The following ATRNL1 variants were observed in gnomAD, a reference collection of about 807,000 sequenced individuals.
ATRNL1 encodes attractin like 1.
A neutral mutation model predicts 182.7 loss-of-function variants in ATRNL1; 95 were observed. The observed-to-expected ratio is 0.52, with a 90% CI of 0.44 to 0.62. The LOEUF (loss-of-function observed/expected upper bound fraction) is 0.62. Ranked by LOEUF, ATRNL1 falls within the 20% of genes least tolerant of loss-of-function variation. ATRNL1 has a pLI of 0.00. For synonymous variants in ATRNL1, 576 were observed against 568.3 expected, an observed-to-expected ratio of 1.01 and a Z score of -0.19; for missense variants, 1,471 against 1,679.5, an observed-to-expected ratio of 0.88 and a Z score of 2.17.
At chr10:115,362,080 C>G (rs1856776589) in intron 19 of ATRNL1, among the ~76,000 whole-genome samples, 1 of 151,852 alleles carries the variant, frequency 6.6e-6, no homozygotes, top group African/African-American at 2.4e-5. Flanking sequence ...CAAGAGCTAT[C>G]ATGTATCCAA....
intron 26 of ATRNL1, among the ~76,000 whole-genome samples, chr10:115,642,334 C>T (rs541241728): frequency 6.6e-6 from 1 of 152,046 alleles, no homozygotes; most frequent in South Asian, 2.1e-4. Flanking sequence ...CAAAGAATAC[C>T]GAACTAATGA....
intron 21 of ATRNL1, among the ~76,000 whole-genome samples, chr10:115,439,371 A>G: frequency 6.6e-6 from 1 of 152,060 alleles, no homozygotes; most frequent in South Asian, 2.1e-4. Flanking sequence ...GTTGAAGATC[A>G]AGGATTAAAA....
chr10:115,860,777 C>A (rs1278556185), intron 28 of ATRNL1, among the ~76,000 whole-genome samples: 3 of 152,174 alleles, frequency 2.0e-5, no homozygotes, highest in Non-Finnish European at 2.9e-5. Context: ...GTCTTCACTG[C>A]AATTTGATTC....
At chr10:115,345,517 A>T (rs148324920) in intron 19 of ATRNL1, among the ~76,000 whole-genome samples, 39 of 152,272 alleles carry the variant, frequency 2.6e-4, no homozygotes, top group African/African-American at 8.7e-4. Context: ...ATTTTTAAGA[A>T]ATCACTTCAG....
intron 27 of ATRNL1, among the ~76,000 whole-genome samples, chr10:115,782,846 G>C (rs1287711607): frequency 6.6e-6 from 1 of 152,088 alleles, no homozygotes; most frequent in East Asian, 1.9e-4. Flanking sequence ...TACTCTTGGG[G>C]CAAATTGTTT....
At chr10:115,556,512 T>C (rs1853322920) in intron 26 of ATRNL1, among the ~76,000 whole-genome samples, 1 of 152,182 alleles carries the variant, frequency 6.6e-6, no homozygotes, top group South Asian at 2.1e-4. Flanking sequence ...ACAACTGTCA[T>C]CTGGCCAGCA....
At chr10:115,586,785 C>G (rs1298204714) in intron 26 of ATRNL1, among the ~76,000 whole-genome samples, 1 of 116,654 alleles carries the variant, frequency 8.6e-6, no homozygotes, top group African/African-American at 2.7e-5. Flanking sequence ...AGCTTTGTTC[C>G]ATTGCTGGTG....
Position 115,171,205 on chromosome 10 carries a change from T to C in ATRNL1, c.1261T>C (p.Leu421=). 1.9e-6 allele frequency: 3 copies of C among 1,610,754 alleles called. No homozygotes were observed. The highest frequency in any genetic ancestry group is 2.5e-6 in the Non-Finnish European group (3 of 1,177,912). Residue 421 remains leucine (L), a synonymous_variant, in exon 8 of 29, where the codon TTG becomes CTG. Transcript: ENST00000355044. ...GGGACATTCAGCACATATTATGGAG[T>C]TGGATAGTAGAGATGTTGTCATGAT... The part of the protein sequence containing the change: ...VEGHSAHIME[L]DSRDVVMIII...
chr10:115,494,505 G>A (rs1460760267), intron 24 of ATRNL1, among the ~76,000 whole-genome samples: 1 of 152,098 alleles, frequency 6.6e-6, no homozygotes, highest in African/African-American at 2.4e-5. Context: ...GTTATTTCAA[G>A]GTATGTTCCT....
intron 26 of ATRNL1, among the ~76,000 whole-genome samples, chr10:115,613,244 T>C (rs933531042): frequency 1.3e-5 from 2 of 152,226 alleles, no homozygotes; most frequent in Admixed American, 1.3e-4. Context: ...AACAAAGAGA[T>C]ACTGATCTTT....
At chr10:115,810,300 A>C (rs1950018319) in intron 27 of ATRNL1, among the ~76,000 whole-genome samples, 1 of 151,978 alleles carries the variant, frequency 6.6e-6, no homozygotes, top group Admixed American at 6.6e-5. Flanking sequence ...TGGTTTCATG[A>C]AATGACTGGG....
At chr10:115,517,035 G>C (rs555595161) in intron 24 of ATRNL1, among the ~76,000 whole-genome samples, 4 of 151,904 alleles carry the variant, frequency 2.6e-5, no homozygotes, top group Admixed American at 2.6e-4. Flanking sequence ...TATTACAATG[G>C]TGTAGAACAG....
intron 19 of ATRNL1, among the ~76,000 whole-genome samples, chr10:115,363,557 C>T (rs1270924445): frequency 6.8e-6 from 1 of 147,834 alleles, no homozygotes; most frequent in Non-Finnish European, 1.5e-5. Flanking sequence ...CTTTTGTTGC[C>T]ATTGCTTTTG....
At chr10:115,751,347 A>G (rs1393242162) in intron 27 of ATRNL1, among the ~76,000 whole-genome samples, 1 of 152,102 alleles carries the variant, frequency 6.6e-6, no homozygotes, top group Non-Finnish European at 1.5e-5. Context: ...TCTGATTTCC[A>G]GAACTGTAAG....
intron 19 of ATRNL1, among the ~76,000 whole-genome samples, chr10:115,371,105 G>C (rs1210734494): frequency 6.6e-6 from 1 of 152,192 alleles, no homozygotes; most frequent in African/African-American, 2.4e-5. Flanking sequence ...GTCAAGAATT[G>C]AGGTTTGGGA....
At chr10:115,753,856 A>C (rs1948514342) in intron 27 of ATRNL1, among the ~76,000 whole-genome samples, 1 of 152,118 alleles carries the variant, frequency 6.6e-6, no homozygotes, top group Non-Finnish European at 1.5e-5. Flanking sequence ...TGACTTTTTA[A>C]TGATCGCCAT....
chr10:115,310,765 A>C (rs1021852918), intron 17 of ATRNL1, among the ~76,000 whole-genome samples: 1 of 152,178 alleles, frequency 6.6e-6, no homozygotes, highest in Admixed American at 6.6e-5. Context: ...CTTTTCAAAA[A>C]GACTAGTTTT....
intron 18 of ATRNL1, among the ~76,000 whole-genome samples, chr10:115,332,059 C>T (rs1439006064): frequency 1.3e-5 from 2 of 152,176 alleles, no homozygotes; most frequent in East Asian, 1.9e-4. Flanking sequence ...TCAGGTGGTT[C>T]AGCCCCATTG....
intron 28 of ATRNL1, among the ~76,000 whole-genome samples, chr10:115,892,925 T>C (rs1952114600): frequency 6.6e-6 from 1 of 152,256 alleles, no homozygotes; most frequent in South Asian, 2.1e-4. Context: ...ATTAAAATTA[T>C]ATTAATACTT....
Sources: allele counts gnomAD v4.1 joint callset (sites outside exome capture counted in the v4.1 genomes callset), GRCh38; gene constraint gnomAD v4.1.1; transcripts MANE v1.5; gene names NCBI Gene and HGNC (gene_info 2026-07-23, HGNC 2026-07-21).